GALNT13: variants seen among roughly 807,000 people sequenced by gnomAD.
GALNT13 encodes polypeptide N-acetylgalactosaminyltransferase 13, also known as UDP-GalNAc:polypeptide N-acetylgalactosaminyltransferase 13.
A neutral mutation model predicts 64.2 loss-of-function variants in GALNT13; 28 were observed. The ratio of observed to expected loss-of-function variants is 0.44; its 90% CI spans 0.32 to 0.60. GALNT13 has a LOEUF of 0.60. GALNT13 is among the 20% of genes least tolerant of loss of function. The pLI is 0.05. For missense variants in GALNT13, 577 were observed against 669.8 expected, an observed-to-expected ratio of 0.86 and a Z score of 1.53; for synonymous variants, 214 against 224.6, an observed-to-expected ratio of 0.95 and a Z score of 0.42.
At chr2:153,805,486 A>G in the GALNT13 span, among the ~76,000 whole-genome samples, 1 of 152,070 alleles carries the variant, frequency 6.6e-6, no homozygotes, top group Admixed American at 6.5e-5. Context: ...AGAATCTACT[A>G]AAGGGAATGA....
At chr2:153,629,430 A>G in the GALNT13 span, among the ~76,000 whole-genome samples, 1 of 152,000 alleles carries the variant, frequency 6.6e-6, no homozygotes, top group South Asian at 2.1e-4. Context: ...GGTGCTGGGA[A>G]AACTGGCTAG....
At chr2:154,018,898 G>A (rs1400954932) in intron 3 of GALNT13, among the ~76,000 whole-genome samples, 1 of 151,350 alleles carries the variant, frequency 6.6e-6, no homozygotes, top group African/African-American at 2.4e-5. Flanking sequence ...GAAGAAGGAA[G>A]CCTGGAAAAA....
intron 3 of GALNT13, among the ~76,000 whole-genome samples, chr2:153,995,221 C>A (rs779285769): frequency 1.9e-4 from 29 of 151,804 alleles, no homozygotes; most frequent in Admixed American, 1.2e-3. Flanking sequence ...AATGTAAAAC[C>A]CACATATTGA....
intron 3 of GALNT13, among the ~76,000 whole-genome samples, chr2:154,054,772 G>T (rs1699815590): frequency 6.6e-6 from 1 of 151,826 alleles, no homozygotes; most frequent in East Asian, 1.9e-4. Flanking sequence ...AGGGAAACAG[G>T]ATCAATCAAG....
At chr2:153,604,182 C>A in the GALNT13 span, among the ~76,000 whole-genome samples, 1 of 152,034 alleles carries the variant, frequency 6.6e-6, no homozygotes, top group Non-Finnish European at 1.5e-5. Context: ...AAGTAATATT[C>A]TGACAACTTC....
At position 153,963,251 on chromosome 2, in the gene GALNT13, C is replaced by T. The variant is rs1185457580; in HGVS notation, c.142+18612C>T. 5.3e-5 allele frequency among the ~76,000 whole-genome samples: 8 copies of T among 152,300 alleles called. No homozygotes were observed. In the South Asian group the frequency reaches 1.0e-3, roughly 20 times the overall value. ...TCTAAACACCTAAAAGTCTTCACCTCCCTATACCTCCATACTGGGAAACAT... is the reference window on the plus strand; with the variant it reads ...TCTAAACACCTAAAAGTCTTCACCTTCCTATACCTCCATACTGGGAAACAT... On this transcript the variant is annotated intron_variant, in intron 3 of 12. Transcript: ENST00000392825.
At chr2:154,401,525 G>A (rs1468842287) in intron 10 of GALNT13, among the ~76,000 whole-genome samples, 1 of 152,056 alleles carries the variant, frequency 6.6e-6, no homozygotes, top group Admixed American at 6.5e-5. Flanking sequence ...TTATTGGATG[G>A]CTACCTTAAA....
At position 154,351,682 on chromosome 2, in the gene GALNT13, C is replaced by CAAAAAAAAAA. The variant is rs567606376; in HGVS notation, c.1157-44280_1157-44271dup. 1.4e-3 allele frequency among the ~76,000 whole-genome samples: 64 copies of CAAAAAAAAAA among 44,688 alleles called. 11 individuals are homozygous for CAAAAAAAAAA. Among genetic ancestry groups the CAAAAAAAAAA allele is most frequent in the Admixed American group, 2.0e-3 (5 of 2,540 alleles). The allele number at this position is 44,688 out of a possible 152,430, so 29.3% of individuals were successfully genotyped here. On this transcript the variant is annotated intron_variant, in intron 9 of 12. Coordinates refer to ENST00000392825, the MANE Select transcript of GALNT13 (RefSeq NM_052917.4). ...TGGGCGACAAAGCGAGACTCCGTCT[C>CAAAAAAAAAA]AAAAAAAAAAAAAAAAAAAAAAAAA...
chr2:154,245,491 A>G (rs1689731889), intron 6 of GALNT13, among the ~76,000 whole-genome samples: 2 of 152,216 alleles, frequency 1.3e-5, no homozygotes, highest in African/African-American at 2.4e-5. Context: ...AAAATGATGC[A>G]TAATCTCAAA....
chr2:153,811,617 G>A, the GALNT13 span, among the ~76,000 whole-genome samples: 121 of 152,290 alleles, frequency 7.9e-4, no homozygotes, highest in African/African-American at 2.7e-3. Context: ...GTTGGGACTT[G>A]CAACATAGAG....
At chr2:153,281,746 C>T in the GALNT13 span, among the ~76,000 whole-genome samples, 1 of 151,088 alleles carries the variant, frequency 6.6e-6, no homozygotes, top group African/African-American at 2.4e-5. Flanking sequence ...TGTAAGGTTT[C>T]TGCTGAGAGT....
chr2:153,756,218 A>G, the GALNT13 span, among the ~76,000 whole-genome samples: 1 of 152,276 alleles, frequency 6.6e-6, no homozygotes, highest in Admixed American at 6.5e-5. Flanking sequence ...TGAATACTAT[A>G]CTATGATCAA....
chr2:153,969,358 C>CT (rs1693594303), intron 3 of GALNT13, among the ~76,000 whole-genome samples: 1 of 151,706 alleles, frequency 6.6e-6, no homozygotes, highest in African/African-American at 2.4e-5. Context: ...TAAAAATTAC[C>CT]TAAAAAAATA....
chr2:154,306,728 G>A (rs1693762519), intron 9 of GALNT13, among the ~76,000 whole-genome samples: 1 of 151,850 alleles, frequency 6.6e-6, no homozygotes, highest in Non-Finnish European at 1.5e-5. Flanking sequence ...TCACAGAACT[G>A]GTTGAGCCAG....
At chr2:153,562,040 C>T in the GALNT13 span, among the ~76,000 whole-genome samples, 46 of 122,568 alleles carry the variant, frequency 3.8e-4, no homozygotes, top group East Asian at 7.0e-3. Context: ...CTCTCTCTCT[C>T]TTTCTCTCTC....
At chr2:153,879,370 G>GTGTGTGTGTGCA (rs1491049034) in intron 1 of GALNT13, among the ~76,000 whole-genome samples, 1 of 151,730 alleles carries the variant, frequency 6.6e-6, no homozygotes, top group Non-Finnish European at 1.5e-5. Context: ...GTGTGTGTGT[G>GTGTGTGTGTGCA]TGTGTGTGTG....
the GALNT13 span, among the ~76,000 whole-genome samples, chr2:153,805,001 A>C: frequency 6.6e-6 from 1 of 152,164 alleles, no homozygotes; most frequent in Admixed American, 6.5e-5. Flanking sequence ...AAGTAGTCTA[A>C]ATAAAACACA....
intron 2 of GALNT13, among the ~76,000 whole-genome samples, chr2:153,932,010 T>A (rs1690562778): frequency 6.6e-6 from 1 of 151,934 alleles, no homozygotes; most frequent in Non-Finnish European, 1.5e-5. Context: ...GGTTGGTGGG[T>A]TTTTTATTAC....
At chr2:153,254,347 A>G in the GALNT13 span, among the ~76,000 whole-genome samples, 1 of 151,648 alleles carries the variant, frequency 6.6e-6, no homozygotes, top group African/African-American at 2.4e-5. Flanking sequence ...CATCTGTTTG[A>G]TTCTTCTCTC....
Sources: allele counts gnomAD v4.1 joint callset (sites outside exome capture counted in the v4.1 genomes callset), GRCh38; gene constraint gnomAD v4.1.1; transcripts MANE v1.5; gene names NCBI Gene and HGNC (gene_info 2026-07-23, HGNC 2026-07-21).